Variants in DCLRE1C observed in about 807,000 individuals in gnomAD.
The protein encoded by DCLRE1C is DNA cross-link repair 1C.
In DCLRE1C, 47 loss-of-function variants were observed where a neutral mutation model predicts 61.4. The ratio of observed to expected loss-of-function variants is 0.77; its 90% CI spans 0.61 to 0.98. The LOEUF is 0.98. Among genes scored for constraint, DCLRE1C ranks in the 50% least tolerant of loss-of-function variants. The pLI, the probability that DCLRE1C is intolerant of heterozygous loss-of-function variation, is 0.00. For missense variants in DCLRE1C, 858 were observed against 816.0 expected, an observed-to-expected ratio of 1.05 and a Z score of -0.63; for synonymous variants, 337 against 287.6, an observed-to-expected ratio of 1.17 and a Z score of -1.74.
intron 13 of DCLRE1C, among the ~76,000 whole-genome samples, chr10:14,910,559 G>A (rs1374433316): frequency 1.3e-5 from 2 of 152,060 alleles, no homozygotes; most frequent in African/African-American, 4.8e-5. Flanking sequence ...CTCCCAAATT[G>A]CTGGAATTAG....
chr10:14,950,357 C>CAAAAAAAAAAAAAAAAAAAAAAAAACA (rs1196056427), intron 1 of DCLRE1C, among the ~76,000 whole-genome samples: 1 of 71,274 alleles, frequency 1.4e-5, no homozygotes, highest in Non-Finnish European at 3.1e-5. Context: ...AAATAATAAC[C>CAAAAAAAAAAAAAAAAAAAAAAAAACA]AAAAAAAAAA....
intron 3 of DCLRE1C, among the ~76,000 whole-genome samples, chr10:14,941,151 T>C (rs565398310): frequency 8.5e-4 from 130 of 152,380 alleles, no homozygotes; most frequent in African/African-American, 2.8e-3. Flanking sequence ...GTGCTGCGAT[T>C]ACAGGTGTGA....
rs1284676302 is a variant in DCLRE1C at position 14,906,676 on chromosome 10, TGTTA to T, written c.*1728_*1731del. ...CAGCATCATGATAATGCATATCAAGTGTTAGTTTAACTGATCTGCAAATTGTTTT... is the reference window on the plus strand; with the variant it reads ...CAGCATCATGATAATGCATATCAAGTGTTTAACTGATCTGCAAATTGTTTT... On this transcript the variant is annotated 3_prime_UTR_variant, in exon 14 of 14. Coordinates refer to ENST00000378278, the MANE Select transcript of DCLRE1C (RefSeq NM_001033855.3). Among the ~76,000 whole-genome samples the T allele has an allele frequency of 1.3e-5, 2 of 152,210 alleles. No individual in the cohort carries two copies. The highest frequency in any genetic ancestry group is 2.1e-4 in the South Asian group (1 of 4,832).
At chr10:14,924,446 T>C (rs762757941) in intron 11 of DCLRE1C, among the ~76,000 whole-genome samples, 3 of 152,256 alleles carry the variant, frequency 2.0e-5, no homozygotes, top group Non-Finnish European at 4.4e-5. Context: ...GGTGAGCTTG[T>C]GATCTCAGTC....
chr10:14,923,376 T>C (rs988459958), intron 11 of DCLRE1C: 1 of 304,828 alleles, frequency 3.3e-6, no homozygotes. Context: ...AGATTCTTTT[T>C]TTTTTCTCTT....
chr10:14,936,880 T>C (rs1189013307), intron 4 of DCLRE1C, among the ~76,000 whole-genome samples: 5 of 152,190 alleles, frequency 3.3e-5, no homozygotes, highest in Non-Finnish European at 5.9e-5. Context: ...GCATTCTTCA[T>C]ACTAGCCAAA....
exon 14 of DCLRE1C, chr10:14,897,753 T>A (rs1833687619): frequency 3.4e-6 from 1 of 294,010 alleles, no homozygotes; most frequent in Non-Finnish European, 6.2e-6. Context: ...TTTCAACAAA[T>A]ACACATTCCT....
intron 13 of DCLRE1C, among the ~76,000 whole-genome samples, chr10:14,915,072 A>C (rs1316321627): frequency 6.6e-6 from 1 of 152,202 alleles, no homozygotes; most frequent in Non-Finnish European, 1.5e-5. Flanking sequence ...CATGTGTCAA[A>C]GAAAAAAAGT....
intron 13 of DCLRE1C, among the ~76,000 whole-genome samples, chr10:14,910,543 C>T (rs913520261): frequency 1.3e-5 from 2 of 152,184 alleles, no homozygotes; most frequent in African/African-American, 4.8e-5. Flanking sequence ...AATCCACCCC[C>T]TCGGCCTCCC....
At chr10:14,921,054 C>T (rs879707743) in intron 12 of DCLRE1C, among the ~76,000 whole-genome samples, 1 of 151,664 alleles carries the variant, frequency 6.6e-6, no homozygotes, top group Non-Finnish European at 1.5e-5. Context: ...CACGGTGGCT[C>T]ACACCTGTAA....
rs1834251359 is a variant in DCLRE1C at position 14,904,733 on chromosome 10, T to C, written c.*3675A>G. Among the ~76,000 whole-genome samples, 1 of 152,206 alleles carries C rather than the reference T, an allele frequency of 6.6e-6. No individual in the cohort carries two copies. Among genetic ancestry groups the C allele is most frequent in the South Asian group, 2.1e-4 (1 of 4,838 alleles). ...CAGTGAAATAATAGAAACTAAAGGA[T>C]GTTATTAAGGGGTTTAACTATTTTA... On this transcript the variant is annotated 3_prime_UTR_variant, in exon 14 of 14. Transcript: ENST00000378278.
In DCLRE1C at chr10:14,929,977, C is replaced by G. The variant is rs1368179452; in HGVS notation, c.781-1825G>C. On this transcript the variant is annotated intron_variant, in intron 9 of 13. Coordinates refer to ENST00000378278, the MANE Select transcript of DCLRE1C (RefSeq NM_001033855.3). The stretch of plus-strand genomic sequence containing the variant: ...ATCTCAAGGAAAGTAGCCCTGACAG[C>G]AAAGGAATTACTAACTAAGCTACTT... Among the ~76,000 whole-genome samples, 6 of 152,068 alleles carry G rather than the reference C, an allele frequency of 3.9e-5. No individual in the cohort carries two copies. The East Asian group carries it at 1.2e-3, about 29-fold the overall frequency.
chr10:14,938,842 G>C (rs932606453), intron 4 of DCLRE1C, among the ~76,000 whole-genome samples: 4 of 152,028 alleles, frequency 2.6e-5, no homozygotes, highest in African/African-American at 9.7e-5. Context: ...ATCAACACCA[G>C]GGTTCCCATC....
At chr10:14,952,305 T>C (rs183207806) in intron 1 of DCLRE1C, among the ~76,000 whole-genome samples, 1 of 152,206 alleles carries the variant, frequency 6.6e-6, no homozygotes, top group African/African-American at 2.4e-5. Context: ...ACCAGAAATG[T>C]GTCAGGCACA....
rs746347168 is a variant in DCLRE1C, at chr10:14,934,793, T to G, written c.465-18A>C. The G allele has an allele frequency of 3.2e-6, 5 of 1,573,208 alleles. No individual in the cohort carries two copies. Among genetic ancestry groups the G allele is most frequent in the Middle Eastern group, 1.7e-4 (1 of 5,984 alleles). ...CTTTGACTCTGAAAAGAAAAAAAAT[T>G]GATGTTAGCCATCCAATGTGATATA... On this transcript the variant is annotated intron_variant, in intron 6 of 13. Coordinates refer to ENST00000378278, the MANE Select transcript of DCLRE1C (RefSeq NM_001033855.3).
At chr10:14,948,978 A>T (rs915168003) in intron 2 of DCLRE1C, 58 bp downstream of exon 2, 1 of 1,185,448 alleles carries the variant, frequency 8.4e-7, no homozygotes, top group East Asian at 2.3e-5. Context: ...TTTTCTGTAC[A>T]GTTGTTATCT....
Position 14,905,031 on chromosome 10 carries a change from T to A in DCLRE1C, c.*3377A>T, listed in dbSNP as rs56142272. On this transcript the variant is annotated 3_prime_UTR_variant, in exon 14 of 14. Transcript: ENST00000378278. ...TAGCAAAATAAATTAGGTTGGGCAT[T>A]TAATGTTCTATTTACCATGGCTTAG... Among the ~76,000 whole-genome samples the A allele has an allele frequency of 6.6e-6, 1 of 152,226 alleles. No individual in the cohort carries two copies. Among genetic ancestry groups the A allele is most frequent in the African/African-American group, 2.4e-5 (1 of 41,458 alleles).
intron 3 of DCLRE1C, chr10:14,942,040 G>A (rs530318470): frequency 6.6e-6 from 1 of 152,258 alleles, no homozygotes. Flanking sequence ...TAAGAAGGCA[G>A]ATGTGAACTA....
At chr10:14,912,745 A>G (rs1835475572) in intron 13 of DCLRE1C, among the ~76,000 whole-genome samples, 1 of 152,148 alleles carries the variant, frequency 6.6e-6, no homozygotes, top group Admixed American at 6.5e-5. Context: ...ACTGGAGTGC[A>G]GTGGTGTGAT....
Sources: allele counts gnomAD v4.1 joint callset (sites outside exome capture counted in the v4.1 genomes callset), GRCh38; gene constraint gnomAD v4.1.1; transcripts MANE v1.5; gene names NCBI Gene and HGNC (gene_info 2026-07-23, HGNC 2026-07-21).